ADAM19: variants seen among roughly 807,000 people sequenced by gnomAD.
The protein encoded by ADAM19 is disintegrin and metalloproteinase domain-containing protein 19.
Under a neutral mutation model 114.7 loss-of-function variants are expected in ADAM19, and 65 were observed. That is an observed-to-expected ratio of 0.57 (90% CI 0.46 to 0.70). The LOEUF is 0.70. Among genes scored for constraint, ADAM19 ranks in the 30% least tolerant of loss-of-function variants. The probability of loss-of-function intolerance (pLI) is 0.00; values close to 1 mark genes in which losing one functional copy is unlikely to be tolerated. For synonymous variants in ADAM19, 466 were observed against 460.5 expected, an observed-to-expected ratio of 1.01 and a Z score of -0.15; for missense variants, 1,063 against 1,204.7, an observed-to-expected ratio of 0.88 and a Z score of 1.74.
chr5:157,494,817 A>G, intron 14 of ADAM19, 22 bp from the exon 15 acceptor site: 7 of 1,595,774 alleles, frequency 4.4e-6, no homozygotes, highest in African/African-American at 1.3e-5. Context: ...AGCAACATCT[A>G]TCAGTATACT....
chr5:157,538,865 CT>C (rs1228360898), intron 3 of ADAM19, among the ~76,000 whole-genome samples: 2 of 152,094 alleles, frequency 1.3e-5, no homozygotes, highest in Non-Finnish European at 2.9e-5. Flanking sequence ...CAGAATTGAT[CT>C]ACAGAAAGTC....
intron 3 of ADAM19, among the ~76,000 whole-genome samples, chr5:157,543,882 T>G (rs150297099): frequency 2.9e-3 from 447 of 152,236 alleles, no homozygotes; most frequent in Admixed American, 8.2e-3. Context: ...TAGTCTAGAT[T>G]TGGGACAAAA....
chr5:157,556,209 C>CTTTTTTTTTTTTTTTT (rs68078503), intron 3 of ADAM19, among the ~76,000 whole-genome samples: 3 of 66,320 alleles, frequency 4.5e-5, no homozygotes, highest in African/African-American at 6.0e-5. Flanking sequence ...TTTTCTTTTT[C>CTTTTTTTTTTTTTTTT]TTTTTTTTTT....
intron 22 of ADAM19, 82 bp from the exon 23 acceptor site, chr5:157,481,084 T>C: frequency 3.2e-6 from 5 of 1,582,680 alleles, no homozygotes; most frequent in Non-Finnish European, 4.3e-6. Flanking sequence ...TCCTCCCGAT[T>C]TTAGAAGGAA....
rs754607238 is a variant in ADAM19 at position 157,481,622 on chromosome 5, A to G, written c.2703+169T>C. ...ACCTTTCACATGAAGCCAAAACTCC[A>G]CAGTCAAGCGGGCACCAAGAAACAT... is the stretch of plus-strand genomic sequence containing the variant. On this transcript the variant is annotated intron_variant, in intron 22 of 22. Transcript: ENST00000257527. The G allele has an allele frequency of 3.1e-5, 48 of 1,546,912 alleles. 1 individual carries two copies. Among genetic ancestry groups the G allele is most frequent in the Admixed American group, 2.2e-4 (11 of 50,720 alleles).
rs778354767 is a variant in ADAM19 at position 157,489,174 on chromosome 5, C to G, written c.2253G>C (p.Arg751Ser). 2 of 1,613,586 alleles carry G rather than the reference C, an allele frequency of 1.2e-6. No individual in the cohort carries two copies. The highest frequency in any genetic ancestry group is 2.2e-5 in the South Asian group (2 of 91,052). ...KLRQQFSCPF[R>S]VSQNSGTGHA... ...GACCAGTCCCGCTGTTCTGAGAAAC[C>G]CTGAAGGGACAACTAGAAACAAGAA... Residue 751 changes from arginine to serine, a missense_variant, in exon 20 of 23, where the codon AGG becomes AGC. Physicochemically the swap from Arg to Ser is moderately radical, Grantham distance 110. Transcript: ENST00000257527.
At chr5:157,509,594 T>A (rs1334890467) in intron 8 of ADAM19, 127 bp from the exon 9 acceptor site, 8 of 826,286 alleles carry the variant, frequency 9.7e-6, no homozygotes, top group African/African-American at 1.8e-5. Context: ...AAAAATAAAT[T>A]TAAAAAAAAA....
At position 157,505,791 on chromosome 5, in the gene ADAM19, G is replaced by A; in HGVS notation, c.1008C>T (p.Ala336=). ...GGGCCATGGTGGCAGCCACGCCAATGGCATTCTCGGAGTGGTCCTGCTCAG... is the reference window on the plus strand; with the variant it reads ...GGGCCATGGTGGCAGCCACGCCAATAGCATTCTCGGAGTGGTCCTGCTCAG... The part of the protein sequence containing the change: ...GGVNMDHSEN[A]IGVAATMAHE... Residue 336 remains alanine (A), a synonymous_variant, in exon 11 of 23, where the codon GCC becomes GCT. Transcript: ENST00000257527. 1 of 1,614,074 alleles carries A rather than the reference G, an allele frequency of 6.2e-7. No individual in the cohort carries two copies. The highest frequency in any genetic ancestry group is 1.3e-5 in the African/African-American group (1 of 75,048).
chr5:157,490,605 C>T (rs1210297309), intron 18 of ADAM19, 151 bp from the exon 19 acceptor site: 2 of 1,076,052 alleles, frequency 1.9e-6, no homozygotes, highest in African/African-American at 1.6e-5. Flanking sequence ...TAAAAACACA[C>T]ATTATGGGCC....
intron 15 of ADAM19, 67 bp downstream of exon 15, chr5:157,494,620 A>T (rs1755294554): frequency 7.4e-7 from 1 of 1,359,256 alleles, no homozygotes; most frequent in South Asian, 1.2e-5. Context: ...GAGTTGGGCA[A>T]CAGTGAGGAC....
Position 157,513,491 on chromosome 5 carries a change from T to C in ADAM19, c.681A>G (p.Arg227=). 12 of 1,614,034 alleles carry C rather than the reference T, an allele frequency of 7.4e-6. No individual in the cohort carries two copies. Among genetic ancestry groups the C allele is most frequent in the East Asian group, 2.2e-5 (1 of 44,880 alleles). The change falls in exon 8 of 23, where the codon CGA becomes CGG. Residue 227 remains arginine, a synonymous_variant. Transcript: ENST00000257527. ...VADYLEFQKN[R]RDQDATKHKL... is the part of the protein sequence containing the mutation. ...TGTGTTTGGTGGCGTCCTGGTCTCG[T>C]CGATTCTTCTGAAACTAAATGGGAC...
chr5:157,573,751 A>G (rs1029322789), intron 1 of ADAM19, among the ~76,000 whole-genome samples: 3 of 152,056 alleles, frequency 2.0e-5, no homozygotes, highest in Admixed American at 1.3e-4. Flanking sequence ...GAAAAAAAAA[A>G]AAAGAAAGAA....
intron 20 of ADAM19, 81 bp from the exon 21 acceptor site, chr5:157,488,570 G>A: frequency 2.6e-6 from 3 of 1,156,342 alleles, no homozygotes; most frequent in Non-Finnish European, 3.6e-6. Flanking sequence ...ATAAACCAGA[G>A]CCCAAAGGGA....
chr5:157,544,728 G>A (rs191010540), intron 3 of ADAM19, among the ~76,000 whole-genome samples: 97 of 152,298 alleles, frequency 6.4e-4, no homozygotes, highest in African/African-American at 2.1e-3. Flanking sequence ...AGAACAGTTC[G>A]GGGAAATGAG....
chr5:157,562,716 C>G (rs546039256), intron 3 of ADAM19, among the ~76,000 whole-genome samples: 1 of 152,336 alleles, frequency 6.6e-6, no homozygotes, highest in South Asian at 2.1e-4. Flanking sequence ...AAAACTTCTG[C>G]ATCCATAATT....
intron 5 of ADAM19, among the ~76,000 whole-genome samples, chr5:157,523,489 T>G (rs955835243): frequency 2.0e-5 from 3 of 152,116 alleles, no homozygotes; most frequent in African/African-American, 7.2e-5. Flanking sequence ...CAAATTCCCA[T>G]GAGAGTTTCC....
rs1754702865 is a variant in ADAM19, at chr5:157,480,196, A to C, written c.*753T>G. On this transcript the variant is annotated 3_prime_UTR_variant, in exon 23 of 23. Transcript: ENST00000257527. ...GGAAAGTGCGGCAGAGAAAACAAAG[A>C]GCAACTAAAAATTATCCAGAGTCAG... is the stretch of plus-strand genomic sequence containing the variant. The C allele has an allele frequency of 1.0e-6, 1 of 986,060 alleles. No homozygotes were observed. Among genetic ancestry groups the C allele is most frequent in the Admixed American group, 6.1e-5 (1 of 16,274 alleles). 61.1% of individuals were successfully genotyped at this position (986,060 alleles called of 1,614,324 possible). A position where few individuals can be genotyped will look rare whatever the true frequency, so the allele number is the denominator to read the frequency against.
Position 157,482,060 on chromosome 5 carries a change from T to C in ADAM19, c.2551-117A>G, listed in dbSNP as rs929538429. 6 of 829,412 alleles carry C rather than the reference T, an allele frequency of 7.2e-6. No homozygotes were observed. In the African/African-American group the frequency reaches 8.7e-5, roughly 12 times the overall value. 51.4% of individuals were successfully genotyped at this position (829,412 alleles called of 1,614,324 possible). A position where few individuals can be genotyped will look rare whatever the true frequency, so the allele number is the denominator to read the frequency against. ...AAAAGTTATATACTGTATGGTCCCA[T>C]TTAGAAAGAAACTGTATGTATAATG... On this transcript the variant is annotated intron_variant, in intron 21 of 22. Coordinates refer to ENST00000257527, the MANE Select transcript of ADAM19 (RefSeq NM_033274.5).
chr5:157,484,834 G>C (rs556000935), intron 21 of ADAM19, among the ~76,000 whole-genome samples: 125 of 152,302 alleles, frequency 8.2e-4, no homozygotes, highest in African/African-American at 2.7e-3. Context: ...ACTGGGAAAG[G>C]CTGTGCTCCC....
Sources: allele counts gnomAD v4.1 joint callset (sites outside exome capture counted in the v4.1 genomes callset), GRCh38; gene constraint gnomAD v4.1.1; transcripts MANE v1.5; gene names NCBI Gene and HGNC (gene_info 2026-07-23, HGNC 2026-07-21).